The following PTGER3 variants were observed in gnomAD, a reference collection of about 807,000 sequenced individuals.
PTGER3 encodes the protein prostaglandin E receptor 3.
PTGER3 carries 22 observed loss-of-function variants against 34.7 expected under a neutral mutation model. The observed-to-expected ratio is 0.63, with a 90% CI of 0.45 to 0.91. The LOEUF is 0.91. Ranked by LOEUF, PTGER3 falls within the 40% of genes least tolerant of loss-of-function variation. The pLI is 0.00. For missense variants in PTGER3, 468 were observed against 519.4 expected (o/e 0.90, Z 0.96); for synonymous variants, 241 against 230.1 (o/e 1.05, Z -0.43).
intron 4 of PTGER3, among the ~76,000 whole-genome samples, chr1:70,891,488 CCT>C (rs1032971832): frequency 3.9e-5 from 6 of 152,114 alleles, no homozygotes; most frequent in Non-Finnish European, 8.8e-5. Flanking sequence ...CTATTCTTCC[CCT>C]CTTTCACTAT....
intron 2 of PTGER3, among the ~76,000 whole-genome samples, chr1:70,994,731 C>G (rs771636886): frequency 1.3e-5 from 2 of 152,196 alleles, no homozygotes; most frequent in Non-Finnish European, 2.9e-5. Context: ...GCTGGGATTA[C>G]AGGCGTGAGC....
chr1:70,940,247 C>A (rs553938542), intron 4 of PTGER3, among the ~76,000 whole-genome samples: 210 of 152,322 alleles, frequency 1.4e-3, no homozygotes, highest in Non-Finnish European at 2.7e-3. Flanking sequence ...ACCACCTCAG[C>A]CTCGACCTTA....
chr1:70,898,634 C>A (rs566270790), intron 4 of PTGER3, among the ~76,000 whole-genome samples: 38 of 152,292 alleles, frequency 2.5e-4, no homozygotes, highest in African/African-American at 8.9e-4. Flanking sequence ...ATCACTGGGC[C>A]ACTTACTAGC....
intron 2 of PTGER3, chr1:71,009,824 G>A (rs957883865): frequency 1.0e-6 from 1 of 985,086 alleles, no homozygotes; most frequent in Non-Finnish European, 1.2e-6. Flanking sequence ...ATTAAACTTA[G>A]ACACGTCTTT....
intron 3 of PTGER3, among the ~76,000 whole-genome samples, chr1:70,953,530 G>A (rs1239698147): frequency 6.6e-6 from 1 of 152,110 alleles, no homozygotes; most frequent in African/African-American, 2.4e-5. Flanking sequence ...GTTATATGGG[G>A]GCAAAGACCT....
chr1:70,947,733 G>A (rs112162267), downstream of PTGER3, among the ~76,000 whole-genome samples: 671 of 152,276 alleles, frequency 4.4e-3, 6 homozygotes, highest in African/African-American at 0.015. Flanking sequence ...CATTAATGCT[G>A]TTGGGGTCTG....
At chr1:70,858,845 G>A (rs1645866767) in intron 4 of PTGER3, among the ~76,000 whole-genome samples, 1 of 152,134 alleles carries the variant, frequency 6.6e-6, no homozygotes, top group Non-Finnish European at 1.5e-5. Context: ...TGAACAAAAA[G>A]CAGTAAAATT....
chr1:70,989,310 A>T (rs1225185769), intron 2 of PTGER3, among the ~76,000 whole-genome samples: 2 of 152,150 alleles, frequency 1.3e-5, no homozygotes, highest in African/African-American at 2.4e-5. Flanking sequence ...AATCAAATAA[A>T]ATAAATGTAT....
intron 2 of PTGER3, among the ~76,000 whole-genome samples, chr1:70,991,509 G>A (rs1273261340): frequency 6.6e-6 from 1 of 152,176 alleles, no homozygotes; most frequent in Non-Finnish European, 1.5e-5. Context: ...TCTAGGGAGT[G>A]AGCACAAGGA....
At chr1:70,969,866 T>A (rs1652905743), downstream of PTGER3, among the ~76,000 whole-genome samples, 1 of 152,222 alleles carries the variant, frequency 6.6e-6, no homozygotes, top group Non-Finnish European at 1.5e-5. Context: ...GTAAATACTT[T>A]CTGAGGATCT....
intron 3 of PTGER3, 60 bp downstream of exon 3, chr1:70,974,237 A>T (rs1653442878): frequency 2.5e-6 from 4 of 1,596,966 alleles, no homozygotes; most frequent in South Asian, 2.3e-5. Context: ...ATCAACTCCG[A>T]TTAGAACAGA....
intron 4 of PTGER3, among the ~76,000 whole-genome samples, chr1:70,868,151 AC>A (rs1646084138): frequency 6.6e-6 from 1 of 151,420 alleles, no homozygotes; most frequent in African/African-American, 2.4e-5. Context: ...GTGTACCTTC[AC>A]CCAGTCCCGT....
At chr1:70,912,856 A>G (rs1647090095) in intron 4 of PTGER3, among the ~76,000 whole-genome samples, 1 of 151,994 alleles carries the variant, frequency 6.6e-6, no homozygotes, top group Non-Finnish European at 1.5e-5. Context: ...ATTGATCTAT[A>G]TGTCTATCTT....
At chr1:70,941,882 C>A (rs1200758675) in intron 4 of PTGER3, among the ~76,000 whole-genome samples, 1 of 152,136 alleles carries the variant, frequency 6.6e-6, no homozygotes, top group African/African-American at 2.4e-5. Context: ...ATGCTACTAG[C>A]ATTACATTTT....
At chr1:70,898,862 A>G (rs965148247) in intron 4 of PTGER3, among the ~76,000 whole-genome samples, 1 of 152,228 alleles carries the variant, frequency 6.6e-6, no homozygotes, top group African/African-American at 2.4e-5. Context: ...AGGAGATACA[A>G]TTTTCTTATA....
chr1:70,992,343 G>A (rs532588124), intron 2 of PTGER3, among the ~76,000 whole-genome samples: 47 of 152,330 alleles, frequency 3.1e-4, no homozygotes, highest in African/African-American at 1.1e-3. Context: ...TGAATTTGTG[G>A]TTGATATCCT....
intron 2 of PTGER3, among the ~76,000 whole-genome samples, chr1:71,005,246 C>T (rs1347854754): frequency 6.6e-6 from 1 of 152,116 alleles, no homozygotes; most frequent in Admixed American, 6.5e-5. Flanking sequence ...TTTGATGACC[C>T]TGAGAGGTTA....
rs1477828926 is a variant in PTGER3, at chr1:71,046,858, C to A, written c.720G>T (p.Leu240Phe). 6.2e-7 allele frequency: 1 copy of A among 1,614,030 alleles called. No homozygotes were observed. The highest frequency in any genetic ancestry group is 8.5e-7 in the Non-Finnish European group (1 of 1,180,002). ...TGCAGGAAAAGGTGACTGTCAGCGC[C>A]AAGAGCCCCAGGAAGGCAAAGGCAG... ...FASAFAFLGLLALTVTFSCNL... is the reference protein window; with the variant it reads ...FASAFAFLGLFALTVTFSCNL... Residue 240 changes from leucine (L) to phenylalanine (F), a missense_variant, in exon 1 of 4, where the codon TTG (leucine) becomes TTT (phenylalanine). Physicochemically the swap from Leu to Phe is conservative, Grantham distance 22 (BLOSUM62 0). Around this residue, in one of 5 missense-constraint regions of PTGER3, gnomAD observed 204 missense variants for 230.8 expected, o/e 0.88. Transcript: ENST00000306666.
At chr1:70,922,673 GACT>G (rs1235260605) in intron 4 of PTGER3, among the ~76,000 whole-genome samples, 15 of 151,830 alleles carry the variant, frequency 9.9e-5, no homozygotes, top group African/African-American at 3.6e-4. Flanking sequence ...ATGTATCTGA[GACT>G]ACTAAAAAAA....
Sources: gnomAD v4.1 joint callset for allele counts (sites outside exome capture counted in the v4.1 genomes callset) on GRCh38, gnomAD v4.1.1 for gene constraint, gnomAD v4.1.1 regional missense constraint, MANE v1.5 for transcripts, NCBI Gene and HGNC (gene_info 2026-07-23, HGNC 2026-07-21) for gene names.